CNTN4: variants seen among roughly 807,000 people sequenced by gnomAD.
The protein encoded by CNTN4 is contactin 4.
In CNTN4, 77 loss-of-function variants were observed where a neutral mutation model predicts 122.5. That is an observed-to-expected ratio of 0.63 (90% confidence interval 0.52 to 0.76). The LOEUF (loss-of-function observed/expected upper bound fraction) is 0.76, where lower values mean the gene tolerates loss of function less well. Ranked by LOEUF, CNTN4 falls within the 30% of genes least tolerant of loss-of-function variation. The probability of loss-of-function intolerance (pLI) is 0.00; values close to 1 mark genes in which losing one functional copy is unlikely to be tolerated. For missense variants in CNTN4, 1,256 were observed against 1,259.1 expected, an observed-to-expected ratio of 1.00 and a Z score of 0.04; for synonymous variants, 512 against 447.0, an observed-to-expected ratio of 1.15 and a Z score of -1.83.
chr3:2,515,816 G>T (rs1373788045), intron 3 of CNTN4, among the ~76,000 whole-genome samples: 3 of 152,098 alleles, frequency 2.0e-5, no homozygotes, highest in African/African-American at 4.8e-5. Flanking sequence ...GTAGGACATG[G>T]ATTGTAGTGC....
chr3:2,620,576 C>T lies in CNTN4; in HGVS notation c.55+49018C>T, dbSNP rs75136016. On this transcript the variant is annotated intron_variant, in intron 4 of 24. Transcript: ENST00000418658. Reference sequence around the variant, plus strand: ...AATAGGTTATATCATAAAATATTAGCCTCATACCTTCATTCTACTCATAAA... The same window carrying T: ...AATAGGTTATATCATAAAATATTAGTCTCATACCTTCATTCTACTCATAAA... Among the ~76,000 whole-genome samples, 94 of 152,066 alleles carry T rather than the reference C, an allele frequency of 6.2e-4. No individual in the cohort carries two copies. In the East Asian group the frequency reaches 0.016, roughly 26 times the overall value.
chr3:2,771,857 G>A (rs2091115590), intron 6 of CNTN4, among the ~76,000 whole-genome samples: 1 of 152,158 alleles, frequency 6.6e-6, no homozygotes, highest in African/African-American at 2.4e-5. Context: ...TACACAGTAG[G>A]CTCCCCAAGA....
intron 6 of CNTN4, among the ~76,000 whole-genome samples, chr3:2,789,102 T>C (rs2091927721): frequency 6.6e-6 from 1 of 152,192 alleles, no homozygotes; most frequent in South Asian, 2.1e-4. Flanking sequence ...TCAGTCTTAA[T>C]GAAATGATCT....
intron 3 of CNTN4, among the ~76,000 whole-genome samples, chr3:2,469,794 A>G (rs1239380724): frequency 5.9e-5 from 9 of 152,170 alleles, no homozygotes; most frequent in African/African-American, 1.9e-4. Context: ...TGAATTTCTG[A>G]CATGTGTTAT....
At chr3:2,756,734 A>G (rs1303372726) in intron 6 of CNTN4, among the ~76,000 whole-genome samples, 1 of 152,194 alleles carries the variant, frequency 6.6e-6, no homozygotes, top group African/African-American at 2.4e-5. Flanking sequence ...GTTACCATGG[A>G]GGCAGAGATT....
intron 4 of CNTN4, among the ~76,000 whole-genome samples, chr3:2,604,665 T>A (rs1364057151): frequency 6.6e-6 from 1 of 152,160 alleles, no homozygotes; most frequent in Non-Finnish European, 1.5e-5. Flanking sequence ...TGCTAGGCAT[T>A]TTTTAAACTA....
intron 3 of CNTN4, among the ~76,000 whole-genome samples, chr3:2,508,738 T>C (rs2076802672): frequency 2.0e-5 from 3 of 152,312 alleles, no homozygotes; most frequent in Non-Finnish European, 4.4e-5. Context: ...AAATAGCAGG[T>C]TCTACTGTCT....
At chr3:3,001,297 A>G (rs1414944175) in intron 14 of CNTN4, among the ~76,000 whole-genome samples, 2 of 152,220 alleles carry the variant, frequency 1.3e-5, no homozygotes, top group Admixed American at 6.5e-5. Flanking sequence ...GATCAACGCA[A>G]TAGGTGTACA....
At chr3:2,860,432 T>C (rs1439700918) in intron 7 of CNTN4, among the ~76,000 whole-genome samples, 7 of 152,162 alleles carry the variant, frequency 4.6e-5, no homozygotes, top group African/African-American at 1.7e-4. Flanking sequence ...CCCTGGATGG[T>C]CCTGCTCATT....
At chr3:2,413,052 G>A (rs946920443) in intron 3 of CNTN4, among the ~76,000 whole-genome samples, 16 of 152,098 alleles carry the variant, frequency 1.1e-4, no homozygotes, top group African/African-American at 3.6e-4. Context: ...GATTCCATAT[G>A]ATTCTACAGG....
chr3:2,131,609 C>T (rs2034454955), intron 2 of CNTN4, among the ~76,000 whole-genome samples: 1 of 152,178 alleles, frequency 6.6e-6, no homozygotes, highest in Non-Finnish European at 1.5e-5. Context: ...TGATTGCTGT[C>T]AGCAAAAGAT....
intron 4 of CNTN4, among the ~76,000 whole-genome samples, chr3:2,632,115 T>TAC (rs2082471391): frequency 6.6e-6 from 1 of 151,874 alleles, no homozygotes; most frequent in African/African-American, 2.4e-5. Flanking sequence ...TATATATATA[T>TAC]ATAAACTTTG....
chr3:2,729,501 G>A (rs1344961433), intron 4 of CNTN4, among the ~76,000 whole-genome samples: 1 of 129,776 alleles, frequency 7.7e-6, no homozygotes, highest in African/African-American at 2.9e-5. Flanking sequence ...CCGAGATCGT[G>A]CCACTGCTCT....
chr3:2,645,956 T>G (rs1317851796), intron 4 of CNTN4, among the ~76,000 whole-genome samples: 2 of 152,230 alleles, frequency 1.3e-5, no homozygotes, highest in Non-Finnish European at 1.5e-5. Context: ...CTTCAACTAT[T>G]GTTGTTTAAC....
At chr3:2,666,802 T>TCTC (rs2084195103) in intron 4 of CNTN4, among the ~76,000 whole-genome samples, 1 of 139,850 alleles carries the variant, frequency 7.2e-6, no homozygotes, top group Admixed American at 7.6e-5. Context: ...GTCCATGTGT[T>TCTC]ATTGTTCAAT....
chr3:2,793,026 A>C lies in CNTN4; in HGVS notation c.359-26460A>C, dbSNP rs9862288. Among the ~76,000 whole-genome samples, 447 of 152,322 alleles carry C rather than the reference A, an allele frequency of 2.9e-3. 1 individual carries two copies. The highest frequency in any genetic ancestry group is 0.01 in the African/African-American group (431 of 41,570). ...TTGGGGAAGTATTATTGTTTCCATT[A>C]TGGTTGCTGAGGAGCAGCAAGTTCA... On this transcript the variant is annotated intron_variant, in intron 6 of 24. Coordinates refer to ENST00000418658, the MANE Select transcript of CNTN4 (RefSeq NM_175607.3).
At chr3:2,479,177 G>A (rs1200716095) in intron 3 of CNTN4, among the ~76,000 whole-genome samples, 1 of 151,966 alleles carries the variant, frequency 6.6e-6, no homozygotes, top group Non-Finnish European at 1.5e-5. Flanking sequence ...ACCTATATAG[G>A]TTTGCTTTTT....
At chr3:2,815,586 G>A (rs2092707481) in intron 6 of CNTN4, among the ~76,000 whole-genome samples, 2 of 152,056 alleles carry the variant, frequency 1.3e-5, no homozygotes. Context: ...AAAAACAGTA[G>A]ATGTTGGTGT....
At chr3:2,970,244 G>A (rs528887927) in intron 13 of CNTN4, among the ~76,000 whole-genome samples, 3 of 151,606 alleles carry the variant, frequency 2.0e-5, no homozygotes, top group East Asian at 2.0e-4. Context: ...ACAAGTGCAT[G>A]CCCCCACACC....
Sources: gnomAD v4.1 joint callset for allele counts (sites outside exome capture counted in the v4.1 genomes callset) on GRCh38, gnomAD v4.1.1 for gene constraint, MANE v1.5 for transcripts, NCBI Gene and HGNC (gene_info 2026-07-23, HGNC 2026-07-21) for gene names.